Variants in OR4Q3 observed in about 807,000 individuals in gnomAD.
The protein encoded by OR4Q3 is olfactory receptor family 4 subfamily Q member 3.
A neutral mutation model predicts 18.8 loss-of-function variants in OR4Q3; 17 were observed. The ratio of observed to expected loss-of-function variants is 0.91; its 90% CI spans 0.62 to 1.36. OR4Q3 has a LOEUF of 1.36. OR4Q3 is among the 40% of genes most tolerant of loss of function. The pLI is 0.00. For synonymous variants in OR4Q3, 158 were observed against 145.8 expected, an observed-to-expected ratio of 1.08 and a Z score of -0.60; for missense variants, 378 against 373.4, an observed-to-expected ratio of 1.01 and a Z score of -0.10.
At chr14:19,750,318 G>A, downstream of OR4Q3, among the ~76,000 whole-genome samples, 190 of 152,254 alleles carry the variant, frequency 1.2e-3, no homozygotes, top group African/African-American at 4.2e-3. Flanking sequence ...CTGTATAGGA[G>A]CTTCAGAGCT....
At chr14:19,751,042 T>C, downstream of OR4Q3, among the ~76,000 whole-genome samples, 10 of 152,250 alleles carry the variant, frequency 6.6e-5, no homozygotes, top group African/African-American at 9.6e-5. Context: ...AGGCTTTCTC[T>C]TGGTATAAGC....
downstream of OR4Q3, among the ~76,000 whole-genome samples, chr14:19,749,881 T>C: frequency 1.8e-4 from 6 of 33,102 alleles, no homozygotes; most frequent in Admixed American, 1.7e-3. Context: ...TTTCTTTCTT[T>C]CTTTCTTTCT....
At chr14:19,747,721 C>T in exon 2 of OR4Q3, 12 of 1,613,620 alleles carry the variant, frequency 7.4e-6, no homozygotes, top group Admixed American at 3.3e-5. Flanking sequence ...TTTCAGGATG[C>T]CTGGCCCAGA....
At chr14:19,751,702 G>A, downstream of OR4Q3, among the ~76,000 whole-genome samples, 3 of 151,984 alleles carry the variant, frequency 2.0e-5, no homozygotes, top group Non-Finnish European at 2.9e-5. Flanking sequence ...TATTCTCTGA[G>A]GATCTTTCGT....
At chr14:19,749,604 C>CAAAAAAAAAAAAAAAAAAAAAA, downstream of OR4Q3, 238 of 34,614 alleles carry the variant, frequency 6.9e-3, 38 homozygotes, top group African/African-American at 0.011. Context: ...GGTCTCAAAG[C>CAAAAAAAAAAAAAAAAAAAAAA]AAAAAAAAAA....
chr14:19,746,188 A>G, intron 1 of OR4Q3, among the ~76,000 whole-genome samples: 2 of 152,152 alleles, frequency 1.3e-5, no homozygotes, highest in Admixed American at 1.3e-4. Context: ...AAAGCTTGGG[A>G]CACAAAATAA....
At chr14:19,747,959 T>A in exon 2 of OR4Q3, 1 of 1,614,072 alleles carries the variant, frequency 6.2e-7, no homozygotes, top group Non-Finnish European at 8.5e-7. Flanking sequence ...ACTGGACAAC[T>A]TCTACTGTGA....
exon 2 of OR4Q3, chr14:19,749,038 A>AG: frequency 6.6e-6 from 1 of 152,514 alleles, no homozygotes; most frequent in East Asian, 1.9e-4. Flanking sequence ...GAGGCTTCTC[A>AG]AGAAGAGGTA....
At chr14:19,750,880 C>T, downstream of OR4Q3, among the ~76,000 whole-genome samples, 1 of 152,188 alleles carries the variant, frequency 6.6e-6, no homozygotes, top group Non-Finnish European at 1.5e-5. Flanking sequence ...TTTTTGCATA[C>T]GATGAATATC....
At chr14:19,751,769 G>A, downstream of OR4Q3, among the ~76,000 whole-genome samples, 6 of 100,698 alleles carry the variant, frequency 6.0e-5, no homozygotes, top group African/African-American at 2.1e-4. Flanking sequence ...TACTCATTTG[G>A]ATCTTTTTTT....
chr14:19,747,585 C>T, exon 2 of OR4Q3: 1 of 1,613,922 alleles, frequency 6.2e-7, no homozygotes, highest in Non-Finnish European at 8.5e-7. Context: ...CAAGCCCATG[C>T]TCACCTGCTC....
At chr14:19,750,592 A>G, downstream of OR4Q3, among the ~76,000 whole-genome samples, 2 of 152,260 alleles carry the variant, frequency 1.3e-5, no homozygotes, top group African/African-American at 2.4e-5. Context: ...ACTAGGATAT[A>G]CTGGAAAATT....
chr14:19,744,332 T>C (rs1175400694), intron 1 of OR4Q3, among the ~76,000 whole-genome samples: 2 of 152,174 alleles, frequency 1.3e-5, no homozygotes, highest in Non-Finnish European at 2.9e-5. Flanking sequence ...TAATAATGCA[T>C]TTAGCTCCAC....
exon 2 of OR4Q3, chr14:19,747,991 G>A: frequency 4.3e-6 from 7 of 1,613,940 alleles, no homozygotes; most frequent in African/African-American, 2.7e-5. Flanking sequence ...TCATCAAGCT[G>A]GCCTGCATGG....
chr14:19,748,582 GGAACTCAGTA>G, exon 2 of OR4Q3: 1 of 516,614 alleles, frequency 1.9e-6, no homozygotes, highest in Non-Finnish European at 3.4e-6. Context: ...AGAGAACTCA[GGAACTCAGTA>G]GAATTTACTG....
intron 1 of OR4Q3, among the ~76,000 whole-genome samples, chr14:19,745,648 CTT>C: frequency 6.6e-6 from 1 of 152,166 alleles, no homozygotes; most frequent in East Asian, 1.9e-4. Flanking sequence ...TTTAATGAGA[CTT>C]GACCCCTGTT....
chr14:19,751,052 C>G, downstream of OR4Q3, among the ~76,000 whole-genome samples: 1 of 152,214 alleles, frequency 6.6e-6, no homozygotes, highest in Non-Finnish European at 1.5e-5. Flanking sequence ...TTGGTATAAG[C>G]CAGCTGCAAC....
At chr14:19,746,673 T>C in intron 1 of OR4Q3, among the ~76,000 whole-genome samples, 1 of 152,224 alleles carries the variant, frequency 6.6e-6, no homozygotes, top group African/African-American at 2.4e-5. Flanking sequence ...TCCTAATTTC[T>C]GTGACCTGGG....
chr14:19,748,227 C>G, exon 2 of OR4Q3: 1 of 1,614,044 alleles, frequency 6.2e-7, no homozygotes, highest in Non-Finnish European at 8.5e-7. Flanking sequence ...TGCAGCTTCT[C>G]TGTGGATAAG....
Sources: allele counts gnomAD v4.1 joint callset (sites outside exome capture counted in the v4.1 genomes callset), GRCh38; gene constraint gnomAD v4.1.1; transcripts MANE v1.5; gene names NCBI Gene and HGNC (gene_info 2026-07-23, HGNC 2026-07-21).